Variants in MAEA observed in about 807,000 individuals in gnomAD.
The protein encoded by MAEA is E3 ubiquitin-protein transferase MAEA.
In MAEA, 22 loss-of-function variants were observed where a neutral mutation model predicts 46.2. That is an observed-to-expected ratio of 0.48 (90% CI 0.34 to 0.68). The LOEUF is 0.68. MAEA is among the 30% of genes least tolerant of loss of function. The pLI is 0.01. For synonymous variants in MAEA, 246 were observed against 222.6 expected (o/e 1.11, Z -0.94); for missense variants, 393 against 558.1 (o/e 0.70, Z 2.98).
intron 4 of MAEA, among the ~76,000 whole-genome samples, chr4:1,324,699 A>G (rs201866330): frequency 1.5e-4 from 15 of 100,982 alleles, no homozygotes; most frequent in East Asian, 5.3e-4. Flanking sequence ...TGAAGTTGAG[A>G]TTGGATGCCT....
intron 1 of MAEA, chr4:1,309,788 TG>T: frequency 7.0e-7 from 1 of 1,424,218 alleles, no homozygotes; most frequent in South Asian, 1.4e-5. Flanking sequence ...CCTTTTCCCT[TG>T]CACTGGGAGC....
At chr4:1,326,469 C>T (rs537440780) in intron 4 of MAEA, among the ~76,000 whole-genome samples, 77 of 152,322 alleles carry the variant, frequency 5.1e-4, no homozygotes, top group African/African-American at 1.7e-3. Context: ...TGACTGCGGT[C>T]AATGTTGCCG....
At chr4:1,334,727 C>T (rs1712522961) in intron 6 of MAEA, 3 of 299,448 alleles carry the variant, frequency 1.0e-5, no homozygotes, top group Non-Finnish European at 1.5e-5. Context: ...GGCCCCGTTG[C>T]CATGGGTCAG....
intron 1 of MAEA, among the ~76,000 whole-genome samples, chr4:1,306,242 G>C (rs879800466): frequency 6.6e-6 from 1 of 152,202 alleles, no homozygotes; most frequent in Non-Finnish European, 1.5e-5. Flanking sequence ...TTCCGCTGTG[G>C]TCTAATTTGC....
intron 1 of MAEA, among the ~76,000 whole-genome samples, chr4:1,300,584 C>T (rs531447849): frequency 2.9e-4 from 44 of 152,382 alleles, no homozygotes; most frequent in Non-Finnish European, 5.3e-4. Context: ...CCGGCTCTTC[C>T]GTGCTGCCGG....
At chr4:1,322,583 C>T (rs1738268749) in intron 4 of MAEA, 80 bp downstream of exon 4, 1 of 1,564,126 alleles carries the variant, frequency 6.4e-7, no homozygotes. Context: ...CACCCCCTTG[C>T]CTGGTGGTTC....
intron 2 of MAEA, 24 bp downstream of exon 2, chr4:1,312,185 C>T (rs766480810): frequency 1.9e-6 from 3 of 1,613,296 alleles, no homozygotes; most frequent in Middle Eastern, 1.7e-4. Flanking sequence ...GGCGGTCCCT[C>T]TTCAGTCTGG....
At chr4:1,307,771 C>T (rs934303183) in intron 1 of MAEA, among the ~76,000 whole-genome samples, 1 of 152,186 alleles carries the variant, frequency 6.6e-6, no homozygotes, top group African/African-American at 2.4e-5. Context: ...TGCCAAAGGG[C>T]AGGATCCCAG....
At chr4:1,320,445 C>G (rs920469409) in intron 3 of MAEA, among the ~76,000 whole-genome samples, 1 of 149,536 alleles carries the variant, frequency 6.7e-6, no homozygotes, top group African/African-American at 2.5e-5. Flanking sequence ...ATTATCAAAG[C>G]AAATATGCAA....
chr4:1,293,348 A>G (rs78147894), intron 1 of MAEA, among the ~76,000 whole-genome samples: 23,363 of 152,024 alleles, frequency 0.15, 3,451 homozygotes, highest in East Asian at 0.42. Context: ...CCGAGATTGC[A>G]CCACTGCCCT....
At chr4:1,301,098 A>T (rs570754894) in intron 1 of MAEA, among the ~76,000 whole-genome samples, 1 of 152,348 alleles carries the variant, frequency 6.6e-6, no homozygotes, top group South Asian at 2.1e-4. Flanking sequence ...TAATTGCAAA[A>T]GACAAAGAGC....
intron 1 of MAEA, among the ~76,000 whole-genome samples, chr4:1,291,085 T>C (rs867713115): frequency 1.3e-5 from 2 of 152,212 alleles, no homozygotes; most frequent in African/African-American, 4.8e-5. Flanking sequence ...GCTGCTGAAG[T>C]CAGGCTGTAC....
chr4:1,292,728 T>C (rs1027023253), intron 1 of MAEA, among the ~76,000 whole-genome samples: 39 of 152,216 alleles, frequency 2.6e-4, no homozygotes, highest in African/African-American at 9.4e-4. Context: ...AAGGGACTTG[T>C]TTCTTCCTCT....
At chr4:1,297,113 A>C (rs1251733064) in intron 1 of MAEA, among the ~76,000 whole-genome samples, 2 of 152,210 alleles carry the variant, frequency 1.3e-5, no homozygotes, top group Non-Finnish European at 2.9e-5. Context: ...CAAATGCCGC[A>C]TCTCGGCCTT....
intron 2 of MAEA, among the ~76,000 whole-genome samples, chr4:1,313,626 C>T (rs1483329089): frequency 6.6e-6 from 1 of 152,250 alleles, no homozygotes; most frequent in East Asian, 1.9e-4. Context: ...ACTCAGGAGG[C>T]TGAGGCAGAA....
At chr4:1,325,005 A>T (rs141579823) in intron 4 of MAEA, among the ~76,000 whole-genome samples, 276 of 152,230 alleles carry the variant, frequency 1.8e-3, no homozygotes, top group Non-Finnish European at 3.2e-3. Flanking sequence ...TGCTGTCCAG[A>T]AATGCGCCCT....
chr4:1,321,654 T>C (rs551064939), intron 3 of MAEA, among the ~76,000 whole-genome samples: 18 of 152,250 alleles, frequency 1.2e-4, no homozygotes, highest in Admixed American at 6.5e-4. Context: ...GGAGGTGCCG[T>C]CCTTGGTCCC....
chr4:1,332,722 C>T (rs775418012), intron 5 of MAEA, 35 bp from the exon 6 acceptor site: 65 of 1,551,786 alleles, frequency 4.2e-5, no homozygotes, highest in Middle Eastern at 1.7e-4. Flanking sequence ...AAAATTAAAA[C>T]GCAAACTTAA....
chr4:1,323,578 TATGGAAACCCTAA>T, intron 4 of MAEA: 1 of 702,504 alleles, frequency 1.4e-6, no homozygotes, highest in African/African-American at 1.7e-5. Context: ...TGGACCTTGG[TATGGAAACCCTAA>T]AAGGAAAGCC....
Sources: allele counts gnomAD v4.1 joint callset (sites outside exome capture counted in the v4.1 genomes callset), GRCh38; gene constraint gnomAD v4.1.1; transcripts MANE v1.5; gene names NCBI Gene and HGNC (gene_info 2026-07-23, HGNC 2026-07-21).